RORA: variants seen among roughly 807,000 people sequenced by gnomAD.
RORA encodes RAR related orphan receptor A.
In RORA, 7 loss-of-function variants were observed where a neutral mutation model predicts 69.5. That is an observed-to-expected ratio of 0.10 (90% CI 0.06 to 0.19). RORA has a LOEUF of 0.19. Among genes scored for constraint, RORA ranks in the 10% least tolerant of loss-of-function variants. The pLI, the probability that RORA is intolerant of heterozygous loss-of-function variation, is 1.00. For synonymous variants in RORA, 261 were observed against 240.8 expected, an observed-to-expected ratio of 1.08 and a Z score of -0.78; for missense variants, 457 against 663.0, an observed-to-expected ratio of 0.69 and a Z score of 3.41.
chr15:61,140,615 T>C (rs1225553584), intron 1 of RORA, among the ~76,000 whole-genome samples: 3 of 150,464 alleles, frequency 2.0e-5, no homozygotes, highest in Non-Finnish European at 4.4e-5. Context: ...ACTGGTGAAC[T>C]AGAGATCTAC....
rs2078191324 is a variant in RORA at position 61,061,872 on chromosome 15, G to C, written c.166+167181C>G. 6.6e-6 allele frequency among the ~76,000 whole-genome samples: 1 copy of C among 152,112 alleles called. No individual in the cohort carries two copies. The highest frequency in any genetic ancestry group is 2.1e-4 in the South Asian group (1 of 4,818). On this transcript the variant is annotated intron_variant, in intron 1 of 10. Transcript: ENST00000335670. The surrounding 1 kb of genome is among the most constrained non-coding windows in gnomAD (Gnocchi z 4.4). Reference sequence around the variant, plus strand: ...GAGGTCAGGAGTTCGAGACCAGCCTGGCCAACATGGTGAAACCCCATCTCA... The same window carrying C: ...GAGGTCAGGAGTTCGAGACCAGCCTCGCCAACATGGTGAAACCCCATCTCA...
intron 2 of RORA, among the ~76,000 whole-genome samples, chr15:60,643,858 T>C (rs8038140): frequency 0.059 from 8,986 of 152,208 alleles, 648 homozygotes; most frequent in African/African-American, 0.17. Context: ...CTGGCTGTTC[T>C]AGAATGGGAA....
chr15:60,911,859 G>GTT (rs35017718), intron 1 of RORA, among the ~76,000 whole-genome samples: 92,054 of 144,108 alleles, frequency 0.64, 31,853 homozygotes, highest in Middle Eastern at 0.79. Flanking sequence ...ACCTGGCTAA[G>GTT]TTTTTTTTTT....
At chr15:60,819,603 C>A (rs905299124) in intron 1 of RORA, among the ~76,000 whole-genome samples, 10 of 152,132 alleles carry the variant, frequency 6.6e-5, no homozygotes, top group Non-Finnish European at 1.5e-5. Flanking sequence ...TGGCGCCCTT[C>A]GGAGGCTGGG....
chr15:61,122,344 CT>C (rs2079111575), intron 1 of RORA, among the ~76,000 whole-genome samples: 1 of 152,184 alleles, frequency 6.6e-6, no homozygotes, highest in African/African-American at 2.4e-5. Context: ...TTTTGGAAAA[CT>C]GCACACCAAC....
intron 1 of RORA, among the ~76,000 whole-genome samples, chr15:60,772,510 TG>T (rs2072093498): frequency 6.6e-6 from 1 of 152,252 alleles, no homozygotes; most frequent in Non-Finnish European, 1.5e-5. Context: ...CTGTTTTAAA[TG>T]TTTCTCTTTA....
chr15:61,210,734 A>G (rs1341135408), intron 1 of RORA, among the ~76,000 whole-genome samples: 1 of 152,242 alleles, frequency 6.6e-6, no homozygotes, highest in Non-Finnish European at 1.5e-5. Flanking sequence ...TCCTGGCTAA[A>G]TTGCACCACT....
chr15:60,819,618 G>A (rs1396681264), intron 1 of RORA, among the ~76,000 whole-genome samples: 2 of 152,084 alleles, frequency 1.3e-5, no homozygotes, highest in African/African-American at 4.8e-5. Flanking sequence ...GCTGGGGCTC[G>A]TCTGTTGGGT....
chr15:61,004,337 T>C (rs1382011056), intron 1 of RORA, among the ~76,000 whole-genome samples: 1 of 150,812 alleles, frequency 6.6e-6, no homozygotes, highest in African/African-American at 2.4e-5. Flanking sequence ...AGAGGAAGCA[T>C]CCTATTATAG....
intron 1 of RORA, among the ~76,000 whole-genome samples, chr15:61,071,206 T>C (rs995118896): frequency 4.9e-5 from 4 of 82,214 alleles, no homozygotes; most frequent in Non-Finnish European, 7.0e-5. Context: ...CATCCTTGGA[T>C]TTGAAAAAGG....
intron 1 of RORA, among the ~76,000 whole-genome samples, chr15:60,722,766 C>G (rs2071310024): frequency 1.3e-5 from 2 of 152,202 alleles, no homozygotes; most frequent in African/African-American, 4.8e-5. Flanking sequence ...AAAGGAGGAC[C>G]ACAACCTTGG....
At chr15:60,739,286 T>A (rs557106314) in intron 1 of RORA, among the ~76,000 whole-genome samples, 1 of 152,126 alleles carries the variant, frequency 6.6e-6, no homozygotes, top group East Asian at 1.9e-4. Context: ...ACATTTTTGG[T>A]TTGGGGCTGG....
intron 1 of RORA, among the ~76,000 whole-genome samples, chr15:60,922,813 G>T (rs1892093481): frequency 6.6e-6 from 1 of 152,192 alleles, no homozygotes; most frequent in African/African-American, 2.4e-5. Context: ...TTAGAACCAT[G>T]GATGGTTGCT....
intron 1 of RORA, among the ~76,000 whole-genome samples, chr15:60,840,654 T>C (rs2073184133): frequency 6.6e-6 from 1 of 152,226 alleles, no homozygotes; most frequent in Admixed American, 6.5e-5. Context: ...CCGCCACTGC[T>C]AGGCTGAAGG....
chr15:60,903,551 G>T (rs1406336112), intron 1 of RORA, among the ~76,000 whole-genome samples: 2 of 152,174 alleles, frequency 1.3e-5, no homozygotes, highest in Non-Finnish European at 2.9e-5. Flanking sequence ...GGGTACCAAT[G>T]TTCAAGGCTC....
chr15:60,698,648 G>A, intron 1 of RORA, among the ~76,000 whole-genome samples: 1 of 82,262 alleles, frequency 1.2e-5, no homozygotes. Flanking sequence ...TTTTTTTTTT[G>A]GAAGTACATT....
intron 1 of RORA, among the ~76,000 whole-genome samples, chr15:61,204,354 G>A (rs1455984773): frequency 6.6e-6 from 1 of 152,234 alleles, no homozygotes; most frequent in Admixed American, 6.5e-5. Flanking sequence ...AAATGAATGA[G>A]TGGATAAATC....
chr15:60,765,427 C>G (rs1397359173), intron 1 of RORA: 1 of 152,076 alleles, frequency 6.6e-6, no homozygotes, highest in Non-Finnish European at 1.5e-5. Flanking sequence ...AGGATACTGA[C>G]AGTCTTTTCT....
chr15:60,797,364 C>T (rs341425), intron 1 of RORA, among the ~76,000 whole-genome samples: 1 of 152,108 alleles, frequency 6.6e-6, no homozygotes, highest in African/African-American at 2.4e-5. Flanking sequence ...AGCTCCTGTC[C>T]AGGACAGCCT....
Sources: allele counts gnomAD v4.1 joint callset (sites outside exome capture counted in the v4.1 genomes callset), GRCh38; gene constraint gnomAD v4.1.1; non-coding constraint Gnocchi (gnomAD v3.1); transcripts MANE v1.5; gene names NCBI Gene and HGNC (gene_info 2026-07-23, HGNC 2026-07-21).